The following CSNK1G1 variants were observed in gnomAD, a reference collection of about 807,000 sequenced individuals.
CSNK1G1 encodes the protein casein kinase 1 gamma 1, also known as casein kinase I isoform gamma-1.
In CSNK1G1, 22 loss-of-function variants were observed where a neutral mutation model predicts 59.6. The observed-to-expected ratio is 0.37, with a 90% CI of 0.26 to 0.53. The LOEUF (loss-of-function observed/expected upper bound fraction) is 0.53. Ranked by LOEUF, CSNK1G1 falls within the 20% of genes least tolerant of loss-of-function variation. The pLI is 0.89. For synonymous variants in CSNK1G1, 179 were observed against 177.1 expected (o/e 1.01, Z -0.08); for missense variants, 384 against 519.5 (o/e 0.74, Z 2.54).
rs552585409 is a variant in CSNK1G1 at position 64,282,819 on chromosome 15, C to T, written c.181+17500G>A. On this transcript the variant is annotated intron_variant, in intron 2 of 11. Coordinates refer to ENST00000303052, the MANE Select transcript of CSNK1G1 (RefSeq NM_022048.5). ...ATTTCTACACTTCCCCCCTAGCCAA[C>T]AATTGTTATCTGATTCTAGTCACCC... Among the ~76,000 whole-genome samples, 204 of 152,140 alleles carry T rather than the reference C, an allele frequency of 1.3e-3. 1 individual carries two copies. Among genetic ancestry groups the T allele is most frequent in the Non-Finnish European group, 1.5e-3 (103 of 68,022 alleles).
At chr15:64,253,553 A>G (rs1409377916) in intron 3 of CSNK1G1, among the ~76,000 whole-genome samples, 1 of 152,202 alleles carries the variant, frequency 6.6e-6, no homozygotes, top group Non-Finnish European at 1.5e-5. Flanking sequence ...TATGATTTAC[A>G]ATTCTATTTC....
intron 1 of CSNK1G1, among the ~76,000 whole-genome samples, chr15:64,350,276 A>G (rs538189464): frequency 2.6e-5 from 4 of 152,114 alleles, no homozygotes; most frequent in South Asian, 4.1e-4. Flanking sequence ...GGCGGATCAC[A>G]AGGTCAGGAG....
intron 1 of CSNK1G1, 115 bp downstream of exon 1, chr15:64,355,873 G>C (rs1219999934): frequency 6.5e-6 from 1 of 152,886 alleles, no homozygotes; most frequent in Non-Finnish European, 1.5e-5. Flanking sequence ...GCCCCACCCG[G>C]GATCACGGCG....
intron 4 of CSNK1G1, among the ~76,000 whole-genome samples, chr15:64,229,505 ATTCTCTC>A (rs984897280): frequency 6.6e-6 from 1 of 150,892 alleles, no homozygotes; most frequent in Non-Finnish European, 1.5e-5. Context: ...AAGGAGGAGT[ATTCTCTC>A]TCTTTCTCTC....
chr15:64,239,187 C>G (rs117221936), intron 4 of CSNK1G1, among the ~76,000 whole-genome samples: 1 of 152,152 alleles, frequency 6.6e-6, no homozygotes, highest in Non-Finnish European at 1.5e-5. Flanking sequence ...TTAAGAGAGT[C>G]AACAGTTCCA....
chr15:64,302,742 AT>A (rs1475429766), intron 1 of CSNK1G1, among the ~76,000 whole-genome samples: 1 of 152,214 alleles, frequency 6.6e-6, no homozygotes, highest in Admixed American at 6.5e-5. Context: ...ATAAGTTAAT[AT>A]GAGGACAGAG....
At chr15:64,289,631 G>C (rs549708256) in intron 2 of CSNK1G1, among the ~76,000 whole-genome samples, 2 of 152,134 alleles carry the variant, frequency 1.3e-5, no homozygotes, top group African/African-American at 4.8e-5. Context: ...AAATAAGAGA[G>C]TGAACAGACA....
chr15:64,309,352 A>AC (rs1566942517), intron 1 of CSNK1G1, among the ~76,000 whole-genome samples: 41 of 131,392 alleles, frequency 3.1e-4, no homozygotes, highest in South Asian at 1.1e-3. Context: ...ACACACACAC[A>AC]AATAAATGAG....
At chr15:64,334,661 A>T (rs917136781) in intron 1 of CSNK1G1, among the ~76,000 whole-genome samples, 5 of 152,140 alleles carry the variant, frequency 3.3e-5, no homozygotes, top group Non-Finnish European at 5.9e-5. Flanking sequence ...TGCAGTTCAC[A>T]ACAGGGTTCA....
In CSNK1G1 at chr15:64,202,936, A is replaced by G. The variant is rs980986640; in HGVS notation, c.1107+146T>C. 4 of 667,510 alleles carry G rather than the reference A, an allele frequency of 6.0e-6. No homozygotes were observed. In the African/African-American group the frequency reaches 7.2e-5, roughly 12 times the overall value. 41.3% of individuals were successfully genotyped at this position (667,510 alleles called of 1,614,324 possible). ...CTATACATGCCCTGAGGGTTGCTTGAAAGTCATACCACACCTGTAAGAAAT... is the reference window on the plus strand; with the variant it reads ...CTATACATGCCCTGAGGGTTGCTTGGAAGTCATACCACACCTGTAAGAAAT... On this transcript the variant is annotated intron_variant, in intron 10 of 11. Transcript: ENST00000303052.
At chr15:64,231,700 T>G (rs973193098) in intron 4 of CSNK1G1, among the ~76,000 whole-genome samples, 9 of 152,100 alleles carry the variant, frequency 5.9e-5, no homozygotes, top group Middle Eastern at 3.4e-3. Flanking sequence ...GCCCCATACA[T>G]GCCACTCTCT....
At chr15:64,181,440 G>T in intron 10 of CSNK1G1, 1 of 1,516,408 alleles carries the variant, frequency 6.6e-7, no homozygotes, top group South Asian at 1.2e-5. Context: ...GCTGAAACAT[G>T]GGAGAGAACA....
chr15:64,322,951 T>C (rs927405161), intron 1 of CSNK1G1, among the ~76,000 whole-genome samples: 7 of 151,860 alleles, frequency 4.6e-5, no homozygotes, highest in African/African-American at 1.2e-4. Flanking sequence ...TTTTTTTTTT[T>C]CCTCGCTCTG....
At chr15:64,259,608 T>C (rs971374400) in intron 2 of CSNK1G1, among the ~76,000 whole-genome samples, 3 of 152,156 alleles carry the variant, frequency 2.0e-5, no homozygotes, top group Non-Finnish European at 2.9e-5. Context: ...ATTTTAGCTC[T>C]TGGCACAATA....
chr15:64,201,752 T>TGTGTGTG (rs1555499653), intron 10 of CSNK1G1, among the ~76,000 whole-genome samples: 1 of 108,282 alleles, frequency 9.2e-6, no homozygotes, highest in South Asian at 3.3e-4. Context: ...GTGTGTGTGT[T>TGTGTGTG]TATATACTAT....
chr15:64,229,018 CAAAAAAAAA>C (rs1218085247), intron 4 of CSNK1G1, among the ~76,000 whole-genome samples: 1 of 65,924 alleles, frequency 1.5e-5, no homozygotes, highest in South Asian at 5.8e-4. Context: ...GACTCTGTCT[CAAAAAAAAA>C]AAAAAAAAAA....
At chr15:64,181,130 C>G in intron 10 of CSNK1G1, 1 of 1,457,510 alleles carries the variant, frequency 6.9e-7, no homozygotes, top group Non-Finnish European at 9.0e-7. Context: ...GTCACATCCT[C>G]TCCGACAAGA....
At position 64,308,140 on chromosome 15, in the gene CSNK1G1, T is replaced by A. The variant is rs565314440; in HGVS notation, c.-224-7417A>T. Among the ~76,000 whole-genome samples, 11 of 152,344 alleles carry A rather than the reference T, an allele frequency of 7.2e-5. No homozygotes were observed. The Middle Eastern group carries it at 0.01, about 141-fold the overall frequency. On this transcript the variant is annotated intron_variant, in intron 1 of 11. Transcript: ENST00000303052. ...TCTGGAAATGACTGGATCCTACAAC[T>A]AAAAAGTAAATTATAAATAAAATTT...
At position 64,166,059 on chromosome 15, in the gene CSNK1G1, G is replaced by A. The variant is rs1264497910; in HGVS notation, c.*5872C>T. 4 of 658,336 alleles carry A rather than the reference G, an allele frequency of 6.1e-6. No individual in the cohort carries two copies. The highest frequency in any genetic ancestry group is 1.7e-5 in the South Asian group (1 of 58,730). 40.8% of individuals were successfully genotyped at this position (658,336 alleles called of 1,614,324 possible). On this transcript the variant is annotated 3_prime_UTR_variant, in exon 12 of 12. Coordinates refer to ENST00000303052, the MANE Select transcript of CSNK1G1 (RefSeq NM_022048.5). The surrounding 1 kb of genome is among the most constrained non-coding windows in gnomAD (Gnocchi z 4.5). ...CAGCTGAGCTTTGTGACCAGTGCCA[G>A]GGTTTATGAAACATTATACATCTAA...
Sources: gnomAD v4.1 joint callset for allele counts (sites outside exome capture counted in the v4.1 genomes callset) on GRCh38, gnomAD v4.1.1 for gene constraint, Gnocchi (gnomAD v3.1) non-coding constraint, MANE v1.5 for transcripts, NCBI Gene and HGNC (gene_info 2026-07-23, HGNC 2026-07-21) for gene names.